TBC1D12: variants seen among roughly 807,000 people sequenced by gnomAD.
TBC1D12 encodes the protein TBC1 domain family, member 12.
Under a neutral mutation model 86.7 loss-of-function variants are expected in TBC1D12, and 56 were observed. The observed-to-expected ratio is 0.65, with a 90% CI of 0.52 to 0.81. The LOEUF is 0.81. Among genes scored for constraint, TBC1D12 ranks in the 30% least tolerant of loss-of-function variants. The probability of loss-of-function intolerance (pLI) is 0.00; values close to 1 mark genes in which losing one functional copy is unlikely to be tolerated. For synonymous variants in TBC1D12, 421 were observed against 411.7 expected, an observed-to-expected ratio of 1.02 and a Z score of -0.27; for missense variants, 1,023 against 1,038.8, an observed-to-expected ratio of 0.98 and a Z score of 0.21.
rs571976235 is a variant in TBC1D12 at position 94,435,469 on chromosome 10, A to G, written c.972-6427A>G. Among the ~76,000 whole-genome samples, 16 of 152,298 alleles carry G rather than the reference A, an allele frequency of 1.1e-4. No homozygotes were observed. The South Asian group carries it at 2.3e-3, about 22-fold the overall frequency. ...GAGCTCCCTTATTACTAATGAGGCTAAATATTGTGTGATAGATCTCATTTG... is the reference window on the plus strand; with the variant it reads ...GAGCTCCCTTATTACTAATGAGGCTGAATATTGTGTGATAGATCTCATTTG... On this transcript the variant is annotated intron_variant, in intron 1 of 12. Coordinates refer to ENST00000225235, the MANE Select transcript of TBC1D12 (RefSeq NM_015188.2).
rs77346400 is a variant in TBC1D12 at position 94,491,502 on chromosome 10, C to T, written c.1212-1863C>T. Among the ~76,000 whole-genome samples the T allele has an allele frequency of 7.7e-3, 1,168 of 152,288 alleles. 54 individuals are homozygous for T. Among genetic ancestry groups the T allele is most frequent in the Admixed American group, 0.061 (934 of 15,292 alleles). On this transcript the variant is annotated intron_variant, in intron 3 of 12. Coordinates refer to ENST00000225235, the MANE Select transcript of TBC1D12 (RefSeq NM_015188.2). ...GCCATTGATTTGATAAACCAAAATA[C>T]GGTGTAGTAGTTACCCCTTATTGGC... is the stretch of plus-strand genomic sequence containing the variant.
chr10:94,465,491 C>G (rs965405669), intron 2 of TBC1D12, among the ~76,000 whole-genome samples: 1 of 151,806 alleles, frequency 6.6e-6, no homozygotes, highest in Non-Finnish European at 1.5e-5. Context: ...ACTAAAAATA[C>G]AAAAATTAGC....
At chr10:94,456,101 T>C (rs1035200301) in intron 2 of TBC1D12, among the ~76,000 whole-genome samples, 9 of 152,212 alleles carry the variant, frequency 5.9e-5, no homozygotes, top group Non-Finnish European at 1.3e-4. Context: ...GGATTATAAA[T>C]TTTATTGATC....
chr10:94,513,020 G>A (rs751939524), intron 9 of TBC1D12, among the ~76,000 whole-genome samples: 10 of 150,804 alleles, frequency 6.6e-5, no homozygotes, highest in East Asian at 2.0e-4. Flanking sequence ...AGGCCTAGGC[G>A]GGCAGATTCC....
chr10:94,531,684 TTTATGTTATTTTATGTTATG>T (rs1564996588), intron 12 of TBC1D12, among the ~76,000 whole-genome samples: 52 of 130,334 alleles, frequency 4.0e-4, no homozygotes, highest in East Asian at 4.8e-4. Context: ...TTTATTTTAT[TTTATGTTATTTTATGTTATG>T]TTATTTTATG....
At position 94,527,392 on chromosome 10, in the gene TBC1D12, G is replaced by GTT. The variant is rs1370028210; in HGVS notation, c.2001-3799_2001-3798dup. ...GCATGAGCCATGGTGCCTGGCGTTTGTTTTTTTTTTTTCTTTTGCTGTTGA... is the reference window on the plus strand; with the variant it reads ...GCATGAGCCATGGTGCCTGGCGTTTGTTTTTTTTTTTTTTCTTTTGCTGTTGA... On this transcript the variant is annotated intron_variant, in intron 11 of 12. Transcript: ENST00000225235. 7.8e-3 allele frequency among the ~76,000 whole-genome samples: 1,101 copies of GTT among 140,670 alleles called. 16 individuals carry two copies. The highest frequency in any genetic ancestry group is 0.027 in the African/African-American group (1,050 of 38,626). 92.3% of individuals were successfully genotyped at this position (140,670 alleles called of 152,430 possible). A position where few individuals can be genotyped will look rare whatever the true frequency, so the allele number is the denominator to read the frequency against.
chr10:94,513,212 A>G (rs574544017), intron 9 of TBC1D12, among the ~76,000 whole-genome samples: 1,592 of 147,474 alleles, frequency 0.011, 6 homozygotes, highest in Admixed American at 0.02. Flanking sequence ...GTGCCACTGC[A>G]CTCCAGCCTG....
rs532202435 is a variant in TBC1D12 at position 94,514,377 on chromosome 10, C to T, written c.1761+2723C>T. ...CCCTGTCTCAAAAAAATTAAAGTTACTCCTCCTTTCTAACTGGAGCTTTTT... is the reference window on the plus strand; with the variant it reads ...CCCTGTCTCAAAAAAATTAAAGTTATTCCTCCTTTCTAACTGGAGCTTTTT... On this transcript the variant is annotated intron_variant, in intron 9 of 12. Transcript: ENST00000225235. Among the ~76,000 whole-genome samples, 6 of 152,244 alleles carry T rather than the reference C, an allele frequency of 3.9e-5. No individual in the cohort carries two copies. The East Asian group carries it at 9.7e-4, about 24-fold the overall frequency.
At chr10:94,489,727 A>T (rs1465007902) in intron 3 of TBC1D12, among the ~76,000 whole-genome samples, 1 of 152,182 alleles carries the variant, frequency 6.6e-6, no homozygotes, top group Non-Finnish European at 1.5e-5. Flanking sequence ...TAATTGGCCT[A>T]ATTTCAATGT....
intron 9 of TBC1D12, among the ~76,000 whole-genome samples, chr10:94,512,850 C>T (rs890402190): frequency 6.6e-6 from 1 of 152,180 alleles, no homozygotes; most frequent in Non-Finnish European, 1.5e-5. Flanking sequence ...GTATCCCCTT[C>T]ACATGTTAAA....
At chr10:94,420,248 TG>T (rs1180227295) in intron 1 of TBC1D12, among the ~76,000 whole-genome samples, 4 of 152,196 alleles carry the variant, frequency 2.6e-5, no homozygotes, top group Non-Finnish European at 5.9e-5. Flanking sequence ...GGTAGCTGTC[TG>T]AAAACAGAAG....
At chr10:94,482,452 C>G (rs1171282992) in intron 3 of TBC1D12, among the ~76,000 whole-genome samples, 1 of 150,974 alleles carries the variant, frequency 6.6e-6, no homozygotes, top group Non-Finnish European at 1.5e-5. Flanking sequence ...CTTATTCATT[C>G]TGGGTTTTTT....
At chr10:94,532,649 G>A (rs1392039998) in intron 12 of TBC1D12, among the ~76,000 whole-genome samples, 1 of 152,124 alleles carries the variant, frequency 6.6e-6, no homozygotes, top group Non-Finnish European at 1.5e-5. Flanking sequence ...ATAATGTATG[G>A]TCCTGGCTTT....
intron 2 of TBC1D12, among the ~76,000 whole-genome samples, chr10:94,471,086 G>C (rs2055898433): frequency 6.6e-6 from 1 of 152,014 alleles, no homozygotes; most frequent in African/African-American, 2.4e-5. Context: ...GGCCAGCCTG[G>C]CCAGCATGGT....
At chr10:94,479,325 T>C (rs934086541) in intron 3 of TBC1D12, among the ~76,000 whole-genome samples, 2 of 152,178 alleles carry the variant, frequency 1.3e-5, no homozygotes, top group Non-Finnish European at 2.9e-5. Context: ...TGTGGTCTTA[T>C]CTTCTTTACA....
At chr10:94,480,147 C>T (rs760094245) in intron 3 of TBC1D12, among the ~76,000 whole-genome samples, 1 of 152,152 alleles carries the variant, frequency 6.6e-6, no homozygotes, top group African/African-American at 2.4e-5. Context: ...AGTCCCTGAA[C>T]GATCTGATTG....
chr10:94,475,892 ATTC>A (rs1352341461), intron 3 of TBC1D12, among the ~76,000 whole-genome samples: 1 of 152,000 alleles, frequency 6.6e-6, no homozygotes, highest in African/African-American at 2.4e-5. Context: ...CTCTGGATCA[ATTC>A]TTTTTTTTTA....
At chr10:94,437,639 C>T (rs2055322070) in intron 1 of TBC1D12, among the ~76,000 whole-genome samples, 1 of 151,996 alleles carries the variant, frequency 6.6e-6, no homozygotes, top group South Asian at 2.1e-4. Flanking sequence ...TTCCCTTCTC[C>T]TTGGTCTTTT....
chr10:94,409,231 G>A lies in TBC1D12; in HGVS notation c.971+5647G>A, dbSNP rs544267311. Among the ~76,000 whole-genome samples, 3 of 152,234 alleles carry A rather than the reference G, an allele frequency of 2.0e-5. No individual in the cohort carries two copies. The East Asian group carries it at 5.8e-4, about 29-fold the overall frequency. The stretch of plus-strand genomic sequence containing the variant: ...GTTCAGGACTTCAACTTAGGAATTT[G>A]TGGCTTTCATTCAGCTGGCAGATTA... On this transcript the variant is annotated intron_variant, in intron 1 of 12. Transcript: ENST00000225235.
Sources: gnomAD v4.1 joint callset for allele counts (sites outside exome capture counted in the v4.1 genomes callset) on GRCh38, gnomAD v4.1.1 for gene constraint, MANE v1.5 for transcripts, NCBI Gene and HGNC (gene_info 2026-07-23, HGNC 2026-07-21) for gene names.